The following CDH4 variants were observed in gnomAD, a reference collection of about 807,000 sequenced individuals.
CDH4 encodes cadherin-4.
CDH4 carries 33 observed loss-of-function variants against 86.0 expected under a neutral mutation model. That is an observed-to-expected ratio of 0.38 (90% CI 0.29 to 0.51). CDH4 has a LOEUF of 0.51. Among genes scored for constraint, CDH4 ranks in the 20% least tolerant of loss-of-function variants. The pLI is 0.86. For missense variants in CDH4, 1,114 were observed against 1,307.4 expected, an observed-to-expected ratio of 0.85 and a Z score of 2.28; for synonymous variants, 555 against 549.4, an observed-to-expected ratio of 1.01 and a Z score of -0.14.
intron 2 of CDH4, among the ~76,000 whole-genome samples, chr20:61,637,272 CA>C (rs1441085255): frequency 8.5e-5 from 13 of 152,330 alleles, no homozygotes; most frequent in African/African-American, 3.1e-4. Context: ...CCGTTTATCA[CA>C]CGGGTGTATC....
intron 7 of CDH4, among the ~76,000 whole-genome samples, chr20:61,884,028 G>A (rs1196322978): frequency 6.6e-6 from 1 of 152,172 alleles, no homozygotes; most frequent in Non-Finnish European, 1.5e-5. Flanking sequence ...GCCGAGGGAG[G>A]AATCGCTGCC....
At chr20:61,714,806 T>G (rs2087935126) in intron 2 of CDH4, among the ~76,000 whole-genome samples, 1 of 152,226 alleles carries the variant, frequency 6.6e-6, no homozygotes, top group Non-Finnish European at 1.5e-5. Context: ...TATTTACTCA[T>G]TGGCTGATGG....
intron 2 of CDH4, among the ~76,000 whole-genome samples, chr20:61,606,197 G>T (rs562134030): frequency 3.3e-5 from 5 of 152,326 alleles, no homozygotes; most frequent in South Asian, 4.1e-4. Flanking sequence ...CGCAGCAGAT[G>T]TGGATAGAAG....
rs2055199184 is a variant in CDH4 at position 61,936,958 on chromosome 20, T to G, written c.*15T>G. The G allele has an allele frequency of 6.5e-7, 1 of 1,548,156 alleles. No homozygotes were observed. The highest frequency in any genetic ancestry group is 8.7e-7 in the Non-Finnish European group (1 of 1,144,712). ...AAGAGGATTGACTGACCTCGCATCT[T>G]CGGACCGAAGTGAGAGCCGTGCTCG... On this transcript the variant is annotated 3_prime_UTR_variant, in exon 16 of 16. Transcript: ENST00000614565.
chr20:61,547,991 A>AGGG (rs1467609745), intron 2 of CDH4, among the ~76,000 whole-genome samples: 3 of 152,114 alleles, frequency 2.0e-5, no homozygotes, highest in African/African-American at 7.2e-5. Flanking sequence ...CCTTGAGGGG[A>AGGG]GGGGGAGGCC....
rs1248497123 is a variant in CDH4, at chr20:61,767,324, A to C, written c.397-5679A>C. On this transcript the variant is annotated intron_variant, in intron 3 of 15. Transcript: ENST00000614565. ...GCTCCATAGAAAGTGAGTGGCTATC[A>C]GGGCCCTGCTGCCCCCACCGGGGCT... is the stretch of plus-strand genomic sequence containing the variant. Among the ~76,000 whole-genome samples the C allele has an allele frequency of 2.0e-5, 3 of 152,174 alleles. No individual in the cohort carries two copies. In the East Asian group the frequency reaches 5.8e-4, roughly 29 times the overall value.
rs1344824313 is a variant in CDH4 at position 61,382,927 on chromosome 20, AGAC to A, written c.169+127991_169+127993del. On this transcript the variant is annotated intron_variant, in intron 2 of 15. Coordinates refer to ENST00000614565, the MANE Select transcript of CDH4 (RefSeq NM_001794.5). ...TTCCAGGTAACTAGGGTTAGGATATAGACATGTTTTTTTGCAGAGGGGAGGACA... is the reference window on the plus strand; with the variant it reads ...TTCCAGGTAACTAGGGTTAGGATATAATGTTTTTTTGCAGAGGGGAGGACA... 7.2e-5 allele frequency among the ~76,000 whole-genome samples: 11 copies of A among 151,774 alleles called. 1 individual carries two copies. In the South Asian group the frequency reaches 2.1e-3, roughly 29 times the overall value.
intron 2 of CDH4, among the ~76,000 whole-genome samples, chr20:61,263,186 G>T (rs1482690060): frequency 1.3e-5 from 2 of 152,136 alleles, no homozygotes; most frequent in Admixed American, 1.3e-4. Flanking sequence ...CCCAGAGTGG[G>T]ACTGTGGTGT....
intron 8 of CDH4, among the ~76,000 whole-genome samples, chr20:61,897,452 A>G (rs1985183591): frequency 6.6e-6 from 1 of 151,846 alleles, no homozygotes; most frequent in Non-Finnish European, 1.5e-5. Flanking sequence ...CTGACCAGCC[A>G]CCACCATTTA....
intron 5 of CDH4, among the ~76,000 whole-genome samples, chr20:61,848,603 G>T (rs1281719386): frequency 6.6e-6 from 1 of 152,148 alleles, no homozygotes; most frequent in Non-Finnish European, 1.5e-5. Context: ...TCGGCTCACT[G>T]CAACCTCCGC....
At chr20:61,800,830 A>T (rs1979790989) in intron 4 of CDH4, among the ~76,000 whole-genome samples, 1 of 152,022 alleles carries the variant, frequency 6.6e-6, no homozygotes, top group African/African-American at 2.4e-5. Context: ...CCCACTGGGG[A>T]CCCTGGGGCG....
At chr20:61,867,151 C>T (rs1983587318) in intron 6 of CDH4, among the ~76,000 whole-genome samples, 1 of 152,262 alleles carries the variant, frequency 6.6e-6, no homozygotes, top group African/African-American at 2.4e-5. Flanking sequence ...GCATGTTTGA[C>T]TCTGAGCCTG....
At chr20:61,935,292 GAA>G (rs1391717383) in intron 15 of CDH4, among the ~76,000 whole-genome samples, 1 of 152,256 alleles carries the variant, frequency 6.6e-6, no homozygotes, top group Non-Finnish European at 1.5e-5. Flanking sequence ...TGATTCAACA[GAA>G]AGACAGAAAG....
intron 3 of CDH4, among the ~76,000 whole-genome samples, chr20:61,772,316 T>C (rs2088784370): frequency 6.6e-6 from 1 of 152,212 alleles, no homozygotes; most frequent in Non-Finnish European, 1.5e-5. Flanking sequence ...ACTGACTCAC[T>C]GCGCACCCCC....
rs765780620 is a variant in CDH4, at chr20:61,923,489, A to G, written c.1413A>G (p.Thr471=). The change falls in exon 10 of 16, where the codon ACA becomes ACG. Residue 471 remains threonine (T), a synonymous_variant. Coordinates refer to ENST00000614565, the MANE Select transcript of CDH4 (RefSeq NM_001794.5). Reference sequence around the variant, plus strand: ...AGCTCAACAGAGCTTTCATGCTGACAGTGATGGTGTCCAACCAGGCGCCCC... The same window carrying G: ...AGCTCAACAGAGCTTTCATGCTGACGGTGATGGTGTCCAACCAGGCGCCCC... ...DYELNRAFML[T]VMVSNQAPLA... 1 of 1,614,078 alleles carries G rather than the reference A, an allele frequency of 6.2e-7. No homozygotes were observed. Among genetic ancestry groups the G allele is most frequent in the African/African-American group, 1.3e-5 (1 of 74,946 alleles).
At chr20:61,575,556 AG>A (rs2086377008) in intron 2 of CDH4, among the ~76,000 whole-genome samples, 1 of 152,260 alleles carries the variant, frequency 6.6e-6, no homozygotes, top group South Asian at 2.1e-4. Flanking sequence ...AATGGAGAGA[AG>A]GGATCATGAT....
chr20:61,572,573 C>G (rs2086349595), intron 2 of CDH4, among the ~76,000 whole-genome samples: 1 of 152,236 alleles, frequency 6.6e-6, no homozygotes, highest in Non-Finnish European at 1.5e-5. Flanking sequence ...CATCCCCTCT[C>G]AGGACCCACA....
chr20:61,338,612 C>T (rs1290052372), intron 2 of CDH4, among the ~76,000 whole-genome samples: 1 of 152,132 alleles, frequency 6.6e-6, no homozygotes, highest in Non-Finnish European at 1.5e-5. Flanking sequence ...ATGGAGTCTT[C>T]CCTGACCCTC....
chr20:61,899,835 C>T (rs1776245), intron 8 of CDH4, among the ~76,000 whole-genome samples: 128,779 of 152,218 alleles, frequency 0.85, 55,574 homozygotes, highest in Non-Finnish European at 0.95. Flanking sequence ...GTGCCCAGCT[C>T]AGCCAGTGCC....
Sources: gnomAD v4.1 joint callset for allele counts (sites outside exome capture counted in the v4.1 genomes callset) on GRCh38, gnomAD v4.1.1 for gene constraint, MANE v1.5 for transcripts, NCBI Gene and HGNC (gene_info 2026-07-23, HGNC 2026-07-21) for gene names.